The following LIFR variants were observed in gnomAD, a reference collection of about 807,000 sequenced individuals.
LIFR encodes the protein LIF receptor subunit alpha, also known as leukemia inhibitory factor receptor.
A neutral mutation model predicts 122.2 loss-of-function variants in LIFR; 84 were observed. The observed-to-expected ratio is 0.69, with a 90% CI of 0.58 to 0.82. The LOEUF is 0.82. Among genes scored for constraint, LIFR ranks in the 40% least tolerant of loss-of-function variants. The pLI is 0.00. For missense variants in LIFR, 1,294 were observed against 1,311.6 expected, an observed-to-expected ratio of 0.99 and a Z score of 0.21; for synonymous variants, 422 against 434.7, an observed-to-expected ratio of 0.97 and a Z score of 0.36.
At chr5:38,558,728 A>G (rs1748714123), upstream of LIFR, 1 of 152,224 alleles carries the variant, frequency 6.6e-6, no homozygotes. Context: ...TTCACAAGGA[A>G]GCGGAAAGAA....
At chr5:38,549,650 G>C (rs990826765) in intron 1 of LIFR, among the ~76,000 whole-genome samples, 6 of 152,250 alleles carry the variant, frequency 3.9e-5, no homozygotes, top group Non-Finnish European at 7.4e-5. Flanking sequence ...AATTAGCCGG[G>C]CGTGGTAGCG....
At chr5:38,558,190 A>G (rs917444619), upstream of LIFR, 3 of 151,800 alleles carry the variant, frequency 2.0e-5, no homozygotes, top group Non-Finnish European at 4.4e-5. Flanking sequence ...GTATGTATAT[A>G]TGTGTGTGTG....
At chr5:38,541,906 A>G (rs1206003014) in intron 1 of LIFR, among the ~76,000 whole-genome samples, 1 of 152,224 alleles carries the variant, frequency 6.6e-6, no homozygotes, top group African/African-American at 2.4e-5. Flanking sequence ...AAAACCACAA[A>G]AAAAGGTTAA....
intron 1 of LIFR, among the ~76,000 whole-genome samples, chr5:38,590,398 C>T (rs1001861923): frequency 2.0e-5 from 3 of 152,072 alleles, no homozygotes; most frequent in East Asian, 1.9e-4. Context: ...CCTAGAGACC[C>T]GTGTACCATT....
intron 5 of LIFR, among the ~76,000 whole-genome samples, chr5:38,523,168 T>TA (rs1241576990): frequency 1.3e-5 from 2 of 152,198 alleles, no homozygotes; most frequent in Non-Finnish European, 2.9e-5. Flanking sequence ...AAACAGTACT[T>TA]ACTATTTTCA....
intron 9 of LIFR, among the ~76,000 whole-genome samples, chr5:38,504,716 G>A (rs1366804520): frequency 6.6e-6 from 1 of 152,148 alleles, no homozygotes; most frequent in African/African-American, 2.4e-5. Flanking sequence ...AGAATCACAT[G>A]GGAAATAAGG....
At position 38,517,133 on chromosome 5, in the gene LIFR, C is replaced by T. The variant is rs1377954903; in HGVS notation, c.562-5169G>A. The stretch of plus-strand genomic sequence containing the variant: ...TGATGGATTGATGAGTGCAGCAAAC[C>T]ACCATGGCACGTATACACCTATGTA... On this transcript the variant is annotated intron_variant, in intron 5 of 19. Transcript: ENST00000453190. Among the ~76,000 whole-genome samples, 7 of 152,102 alleles carry T rather than the reference C, an allele frequency of 4.6e-5. No homozygotes were observed. In the East Asian group the frequency reaches 1.2e-3, roughly 25 times the overall value.
chr5:38,589,552 A>G (rs1375830258), intron 1 of LIFR, among the ~76,000 whole-genome samples: 3 of 152,220 alleles, frequency 2.0e-5, no homozygotes, highest in African/African-American at 4.8e-5. Context: ...CAAATCTAGT[A>G]CCATCAAATT....
At chr5:38,520,048 C>T (rs1462357877) in intron 5 of LIFR, among the ~76,000 whole-genome samples, 1 of 152,090 alleles carries the variant, frequency 6.6e-6, no homozygotes, top group Non-Finnish European at 1.5e-5. Context: ...ATCTCCATAC[C>T]GATTTCCATA....
intron 5 of LIFR, among the ~76,000 whole-genome samples, chr5:38,517,856 CAAAAAAAAAAAAAA>C (rs572954936): frequency 2.0e-4 from 3 of 15,048 alleles, no homozygotes; most frequent in Non-Finnish European, 3.0e-4. Context: ...GACACTGTCT[CAAAAAAAAAAAAAA>C]AAAAAAAAAA....
intron 1 of LIFR, among the ~76,000 whole-genome samples, chr5:38,544,622 G>T (rs1223268071): frequency 6.6e-6 from 1 of 152,102 alleles, no homozygotes; most frequent in African/African-American, 2.4e-5. Flanking sequence ...ACTCTTCCTT[G>T]TGGTATCCTA....
chr5:38,603,027 A>C (rs1482643734), intron 2 of LIFR, among the ~76,000 whole-genome samples: 3 of 152,198 alleles, frequency 2.0e-5, no homozygotes, highest in Non-Finnish European at 4.4e-5. Context: ...CTTAATTCCC[A>C]AGGGTAAGGC....
At chr5:38,488,959 T>C (rs1744429012) in intron 16 of LIFR, 119 bp downstream of exon 16, 6 of 772,596 alleles carry the variant, frequency 7.8e-6, no homozygotes, top group Admixed American at 7.3e-5. Context: ...CATTTCTCTA[T>C]CTTTCAGATA....
intron 1 of LIFR, among the ~76,000 whole-genome samples, chr5:38,567,331 C>G (rs1034429210): frequency 2.3e-4 from 35 of 152,176 alleles, no homozygotes; most frequent in African/African-American, 8.0e-4. Context: ...TCTTGTCCAG[C>G]CTGAACCTCT....
chr5:38,546,320 T>C (rs1747891484), intron 1 of LIFR, among the ~76,000 whole-genome samples: 1 of 151,932 alleles, frequency 6.6e-6, no homozygotes, highest in African/African-American at 2.4e-5. Flanking sequence ...ATGAAAAAAG[T>C]GAAGGAAAAG....
intron 1 of LIFR, among the ~76,000 whole-genome samples, chr5:38,572,585 A>G (rs1341688535): frequency 6.6e-6 from 1 of 152,186 alleles, no homozygotes; most frequent in East Asian, 1.9e-4. Context: ...AGCTTATGAC[A>G]GACATCTCCA....
At chr5:38,520,049 G>A (rs182650572) in intron 5 of LIFR, among the ~76,000 whole-genome samples, 1 of 152,218 alleles carries the variant, frequency 6.6e-6, no homozygotes, top group East Asian at 1.9e-4. Context: ...TCTCCATACC[G>A]ATTTCCATAG....
At chr5:38,575,279 TGATTGGAAGGG>T (rs1335501181) in intron 1 of LIFR, among the ~76,000 whole-genome samples, 1 of 152,178 alleles carries the variant, frequency 6.6e-6, no homozygotes, top group East Asian at 1.9e-4. Flanking sequence ...GGAAGAGTAG[TGATTGGAAGGG>T]GATGGTGGGG....
At position 38,496,558 on chromosome 5, in the gene LIFR, G is replaced by T. The variant is rs868663322; in HGVS notation, c.1709C>A (p.Ser570Tyr). Residue 570 changes from serine (S) to tyrosine (Y), a missense_variant, in exon 13 of 20, where the codon TCC (serine) becomes TAC (tyrosine). Ser to Tyr is a moderately radical substitution (Grantham distance 144). Coordinates refer to ENST00000453190, the MANE Select transcript of LIFR (RefSeq NM_001127671.2). ...PINEANGKIL[S>Y]YNVSCSSDEE... ...ATCTGATGAACACGATACATTGTAG[G>T]AAAGTATTTTTCCATTAGCTTCATT... 1.2e-6 allele frequency: 2 copies of T among 1,613,786 alleles called. No homozygotes were observed. The highest frequency in any genetic ancestry group is 1.6e-4 in the Middle Eastern group (1 of 6,062).
Sources: allele counts gnomAD v4.1 joint callset (sites outside exome capture counted in the v4.1 genomes callset), GRCh38; gene constraint gnomAD v4.1.1; transcripts MANE v1.5; gene names NCBI Gene and HGNC (gene_info 2026-07-23, HGNC 2026-07-21).